Variants in TAFA1 observed in about 807,000 individuals in gnomAD.
TAFA1 encodes the protein chemokine-like protein TAFA-1.
TAFA1 carries 4 observed loss-of-function variants against 18.5 expected under a neutral mutation model. The observed-to-expected ratio is 0.22, with a 90% CI of 0.11 to 0.49. The LOEUF (loss-of-function observed/expected upper bound fraction) is 0.49, where lower values mean the gene tolerates loss of function less well. Ranked by LOEUF, TAFA1 falls within the 20% of genes least tolerant of loss-of-function variation. TAFA1 has a pLI of 0.98. For missense variants in TAFA1, 147 were observed against 169.0 expected, an observed-to-expected ratio of 0.87 and a Z score of 0.72; for synonymous variants, 56 against 55.2, an observed-to-expected ratio of 1.01 and a Z score of -0.06.
At chr3:68,171,683 C>A (rs1318274865) in intron 2 of TAFA1, among the ~76,000 whole-genome samples, 2 of 152,170 alleles carry the variant, frequency 1.3e-5, no homozygotes, top group East Asian at 1.9e-4. Flanking sequence ...ACTAAAATTA[C>A]CTCTAAAGAA....
intron 2 of TAFA1, among the ~76,000 whole-genome samples, chr3:68,193,068 C>A (rs13065943): frequency 6.6e-6 from 1 of 151,498 alleles, no homozygotes; most frequent in African/African-American, 2.4e-5. Context: ...CATCCTAAGA[C>A]GATGAAAAAA....
rs533214097 is a variant in TAFA1 at position 68,529,436 on chromosome 3, T to TAAAAAAAAAAAAAAAAAAAAAAAAAAAA, written c.260-9317_260-9290dup. On this transcript the variant is annotated intron_variant, in intron 3 of 4. Transcript: ENST00000478136. ...CATGGAATCTAGATTCACCATTCTC[T>TAAAAAAAAAAAAAAAAAAAAAAAAAAAA]AAAAAAAAAAAAAAAAAAAAAAAAA... 2.6e-5 allele frequency among the ~76,000 whole-genome samples: 2 copies of TAAAAAAAAAAAAAAAAAAAAAAAAAAAA among 77,050 alleles called. 1 individual carries two copies. 50.5% of individuals were successfully genotyped at this position (77,050 alleles called of 152,430 possible).
intron 2 of TAFA1, among the ~76,000 whole-genome samples, chr3:68,263,501 G>A (rs919146023): frequency 6.2e-5 from 9 of 145,526 alleles, no homozygotes; most frequent in African/African-American, 2.4e-4. Flanking sequence ...GGGATACTGA[G>A]GCCCAGGGAC....
At chr3:68,543,418 G>A (rs373402856) in intron 4 of TAFA1, among the ~76,000 whole-genome samples, 1 of 152,118 alleles carries the variant, frequency 6.6e-6, no homozygotes, top group Non-Finnish European at 1.5e-5. Flanking sequence ...ATTCCAATAT[G>A]TGAATGTCTC....
chr3:68,504,388 C>T (rs1391449408), intron 3 of TAFA1, among the ~76,000 whole-genome samples: 1 of 152,194 alleles, frequency 6.6e-6, no homozygotes, highest in African/African-American at 2.4e-5. Flanking sequence ...CCTGCAACGG[C>T]CCCATGAGGG....
intron 2 of TAFA1, among the ~76,000 whole-genome samples, chr3:68,082,135 G>A (rs896377569): frequency 6.4e-4 from 97 of 152,280 alleles, no homozygotes; most frequent in African/African-American, 1.7e-3. Flanking sequence ...GACCCCTTGC[G>A]CTTCCCAAGT....
chr3:68,513,745 A>C (rs1414308356), intron 3 of TAFA1, among the ~76,000 whole-genome samples: 1 of 152,220 alleles, frequency 6.6e-6, no homozygotes, highest in African/African-American at 2.4e-5. Flanking sequence ...TTTACAGATA[A>C]AGAAAGTAAA....
intron 2 of TAFA1, among the ~76,000 whole-genome samples, chr3:68,269,266 C>T (rs184655648): frequency 2.6e-5 from 4 of 152,086 alleles, no homozygotes; most frequent in Admixed American, 2.0e-4. Flanking sequence ...CCAGCCTGAG[C>T]GACAGAGTGA....
At chr3:68,066,158 T>G (rs1025536080) in intron 2 of TAFA1, among the ~76,000 whole-genome samples, 9 of 152,146 alleles carry the variant, frequency 5.9e-5, no homozygotes, top group Non-Finnish European at 1.2e-4. Context: ...ATATCAAAAT[T>G]TATCAAATCA....
intron 2 of TAFA1, among the ~76,000 whole-genome samples, chr3:68,162,574 A>G (rs1047696649): frequency 6.6e-6 from 1 of 152,158 alleles, no homozygotes; most frequent in Non-Finnish European, 1.5e-5. Context: ...TTTTTCTACC[A>G]TAACTGGTAA....
chr3:68,248,062 A>C (rs1491724), intron 2 of TAFA1, among the ~76,000 whole-genome samples: 11,554 of 152,288 alleles, frequency 0.076, 557 homozygotes, highest in African/African-American at 0.13. Flanking sequence ...ACTTAGTTGC[A>C]GACTGTTGGG....
At chr3:68,491,172 A>C (rs2072445789) in intron 3 of TAFA1, among the ~76,000 whole-genome samples, 2 of 152,190 alleles carry the variant, frequency 1.3e-5, no homozygotes, top group African/African-American at 4.8e-5. Flanking sequence ...AAAGGGATCC[A>C]GCCATCCCAT....
chr3:68,169,252 C>T (rs13070641), intron 2 of TAFA1, among the ~76,000 whole-genome samples: 10 of 152,044 alleles, frequency 6.6e-5, no homozygotes, highest in East Asian at 3.9e-4. Flanking sequence ...TTGCTCTGGA[C>T]GGTACGGGCT....
At chr3:68,539,813 G>A (rs2073343790) in intron 4 of TAFA1, among the ~76,000 whole-genome samples, 1 of 151,820 alleles carries the variant, frequency 6.6e-6, no homozygotes, top group East Asian at 1.9e-4. Context: ...AGGCTGGAGT[G>A]AAGTGGTGTG....
At chr3:68,477,151 C>T (rs1319509946) in intron 3 of TAFA1, among the ~76,000 whole-genome samples, 1 of 151,876 alleles carries the variant, frequency 6.6e-6, no homozygotes, top group East Asian at 1.9e-4. Flanking sequence ...ATAAATTATA[C>T]AACACAATTA....
intron 2 of TAFA1, among the ~76,000 whole-genome samples, chr3:68,120,197 CTTTCTTTCTTTCTTTCTT>C (rs2106857248): frequency 1.3e-5 from 1 of 79,472 alleles, no homozygotes; most frequent in South Asian, 5.3e-4. Flanking sequence ...TTCTTTCTTT[CTTTCTTTCTTTCTTTCTT>C]TCTTTCTTTC....
At chr3:68,286,569 A>G (rs2068012826) in intron 2 of TAFA1, among the ~76,000 whole-genome samples, 1 of 152,192 alleles carries the variant, frequency 6.6e-6, no homozygotes, top group African/African-American at 2.4e-5. Flanking sequence ...TTAATAAGGA[A>G]GAATTGAGAG....
intron 2 of TAFA1, among the ~76,000 whole-genome samples, chr3:68,119,500 G>C (rs556266826): frequency 4.0e-5 from 6 of 151,872 alleles, no homozygotes; most frequent in South Asian, 4.2e-4. Flanking sequence ...TTTCTTCTAA[G>C]CTTTTAAGTT....
rs577635252 is a variant in TAFA1 at position 68,340,291 on chromosome 3, C to T, written c.119-76989C>T. ...TTTAAATAGCCAAGGTTTCAGTGGACCAAAAGGCATCTCCTTCCCTGCCTT... is the reference window on the plus strand; with the variant it reads ...TTTAAATAGCCAAGGTTTCAGTGGATCAAAAGGCATCTCCTTCCCTGCCTT... On this transcript the variant is annotated intron_variant, in intron 2 of 4. Coordinates refer to ENST00000478136, the MANE Select transcript of TAFA1 (RefSeq NM_213609.4). 6.6e-5 allele frequency among the ~76,000 whole-genome samples: 10 copies of T among 152,272 alleles called. No individual in the cohort carries two copies. In the East Asian group the frequency reaches 1.5e-3, roughly 24 times the overall value.
Sources: gnomAD v4.1 joint callset for allele counts (sites outside exome capture counted in the v4.1 genomes callset) on GRCh38, gnomAD v4.1.1 for gene constraint, MANE v1.5 for transcripts, NCBI Gene and HGNC (gene_info 2026-07-23, HGNC 2026-07-21) for gene names.